ZNF786: variants seen among roughly 807,000 people sequenced by gnomAD.
The protein encoded by ZNF786 is zinc finger protein 786.
Under a neutral mutation model 63.1 loss-of-function variants are expected in ZNF786, and 56 were observed. That is an observed-to-expected ratio of 0.89 (90% CI 0.72 to 1.11). The LOEUF is 1.11. Among genes scored for constraint, ZNF786 ranks in the 50% least tolerant of loss-of-function variants. The probability of loss-of-function intolerance (pLI) is 0.00; values close to 1 mark genes in which losing one functional copy is unlikely to be tolerated. For synonymous variants in ZNF786, 485 were observed against 406.9 expected, an observed-to-expected ratio of 1.19 and a Z score of -2.31; for missense variants, 1,213 against 1,041.8, an observed-to-expected ratio of 1.16 and a Z score of -2.26.
At position 149,071,407 on chromosome 7, in the gene ZNF786, A is replaced by G. The variant is rs774030832; in HGVS notation, c.1365T>C (p.Cys455=). The change falls in exon 4 of 4, where the codon TGT becomes TGC. Residue 455 remains cysteine, a synonymous_variant. Transcript: ENST00000491431. The part of the protein sequence containing the change: ...RVHSGEKPFR[C]AKCGRNFRQR... The stretch of plus-strand genomic sequence containing the variant: ...GACGGAAGTTCCTGCCACACTTGGC[A>G]CACCGGAAAGGCTTCTCTCCGCTGT... 6.2e-7 allele frequency: 1 copy of G among 1,612,512 alleles called. No homozygotes were observed. The highest frequency in any genetic ancestry group is 1.1e-5 in the South Asian group (1 of 91,028).
chr7:149,074,694 C>T lies in ZNF786; in HGVS notation c.146-156G>A, dbSNP rs137925335. 6.9e-4 allele frequency among the ~76,000 whole-genome samples: 105 copies of T among 151,650 alleles called. 2 individuals carry two copies. The Middle Eastern group carries it at 0.01, about 15-fold the overall frequency. Reference sequence around the variant, plus strand: ...CACAAAGATGAAAAAACCGCCTACACATCCTAACAATGCCTCCTAGTCTGT... The same window carrying T: ...CACAAAGATGAAAAAACCGCCTACATATCCTAACAATGCCTCCTAGTCTGT... On this transcript the variant is annotated intron_variant, in intron 2 of 3. Transcript: ENST00000491431.
chr7:149,073,991 C>T (rs554567215), intron 3 of ZNF786, among the ~76,000 whole-genome samples: 256 of 151,292 alleles, frequency 1.7e-3, no homozygotes, highest in South Asian at 5.5e-3. Context: ...AAGGGTTTCA[C>T]CATGTTGGCC....
At position 149,077,552 on chromosome 7, in the gene ZNF786, C is replaced by T. The variant is rs543107752; in HGVS notation, c.146-3014G>A. On this transcript the variant is annotated intron_variant, in intron 2 of 3. Coordinates refer to ENST00000491431, the MANE Select transcript of ZNF786 (RefSeq NM_152411.4). Reference sequence around the variant, plus strand: ...CTGAGGCAGGAGAATGGTGTGAACCCGGGAGGCGGAGCTTGCAGTGAGCTG... The same window carrying T: ...CTGAGGCAGGAGAATGGTGTGAACCTGGGAGGCGGAGCTTGCAGTGAGCTG... Among the ~76,000 whole-genome samples, 26 of 152,026 alleles carry T rather than the reference C, an allele frequency of 1.7e-4. No individual in the cohort carries two copies. In the South Asian group the frequency reaches 3.3e-3, roughly 19 times the overall value.
rs764886472 is a variant in ZNF786 at position 149,071,897 on chromosome 7, C to A, written c.875G>T (p.Gly292Val). Residue 292 changes from glycine to valine, a missense_variant, in exon 4 of 4, where the codon GGG becomes GTG. Physicochemically the swap from Gly to Val is moderately radical, Grantham distance 109 (BLOSUM62 -3). Transcript: ENST00000491431. ...THPSHRLPQQ[G>V]EKPAQCTPCG... ...TGGGGTGCACTGGGCAGGCTTCTCC[C>A]CCTGCTGCGGGAGGCGGTGGCTGGG... 1.8e-5 allele frequency: 29 copies of A among 1,604,278 alleles called. No homozygotes were observed. The South Asian group carries it at 2.2e-4, about 12-fold the overall frequency.
At chr7:149,080,824 G>A in intron 1 of ZNF786, 107 bp from the exon 2 acceptor site, 1 of 1,382,934 alleles carries the variant, frequency 7.2e-7, no homozygotes, top group Non-Finnish European at 9.8e-7. Flanking sequence ...AATGTTTTTG[G>A]TTGTTCAGCA....
chr7:149,070,264 A>G lies in ZNF786; in HGVS notation c.*159T>C, dbSNP rs1314728621. The G allele has an allele frequency of 1.5e-5, 14 of 953,192 alleles. No individual in the cohort carries two copies. The highest frequency in any genetic ancestry group is 4.9e-5 in the African/African-American group (3 of 61,168). The allele number at this position is 953,192 out of a possible 1,614,324, so 59.0% of individuals were successfully genotyped here. A position where few individuals can be genotyped will look rare whatever the true frequency, so the allele number is the denominator to read the frequency against. On this transcript the variant is annotated 3_prime_UTR_variant, in exon 4 of 4. Coordinates refer to ENST00000491431, the MANE Select transcript of ZNF786 (RefSeq NM_152411.4). ...TAATTGGTGATGCTTCTGAAGAGAA[A>G]ATCCTTTGTGGTTCTTCATATTCCT...
chr7:149,083,519 T>C (rs1825684510), intron 1 of ZNF786, among the ~76,000 whole-genome samples: 1 of 151,660 alleles, frequency 6.6e-6, no homozygotes, highest in Admixed American at 6.6e-5. Flanking sequence ...CCGGCCAAAG[T>C]TTATTTTTAT....
chr7:149,083,361 C>T (rs112412855), intron 1 of ZNF786, among the ~76,000 whole-genome samples: 3,607 of 151,974 alleles, frequency 0.024, 56 homozygotes, highest in Admixed American at 0.035. Context: ...GGATTATAGG[C>T]GCCGGCCACC....
At chr7:149,075,080 T>G (rs951844180) in intron 2 of ZNF786, among the ~76,000 whole-genome samples, 7 of 152,048 alleles carry the variant, frequency 4.6e-5, no homozygotes, top group Admixed American at 6.6e-5. Flanking sequence ...CTGCCTGCCT[T>G]GGCCTCCCAA....
chr7:149,090,490 G>C, intron 1 of ZNF786, 133 bp downstream of exon 1: 2 of 1,059,128 alleles, frequency 1.9e-6, no homozygotes, highest in Middle Eastern at 2.2e-4. Context: ...ATCCCCAGCA[G>C]AAGCAGCCTG....
intron 2 of ZNF786, among the ~76,000 whole-genome samples, chr7:149,079,561 CTCTT>C (rs1212767743): frequency 6.9e-6 from 1 of 144,038 alleles, no homozygotes; most frequent in African/African-American, 2.7e-5. Context: ...GAGACAGCTA[CTCTT>C]TTTTTTTTTT....
chr7:149,086,985 G>A (rs1482841909), intron 1 of ZNF786, among the ~76,000 whole-genome samples: 3 of 152,198 alleles, frequency 2.0e-5, no homozygotes, highest in Non-Finnish European at 4.4e-5. Flanking sequence ...TGGGACTACA[G>A]GCGCCTGCCA....
intron 2 of ZNF786, among the ~76,000 whole-genome samples, chr7:149,077,837 G>A (rs970970030): frequency 3.3e-5 from 5 of 150,802 alleles, no homozygotes; most frequent in Admixed American, 1.3e-4. Context: ...GCCCAACAGC[G>A]AAACAAATTA....
chr7:149,085,242 A>G (rs749614103), intron 1 of ZNF786, among the ~76,000 whole-genome samples: 2 of 152,040 alleles, frequency 1.3e-5, no homozygotes, highest in Non-Finnish European at 2.9e-5. Context: ...AGCTTTGTTC[A>G]TTTTGCCTAG....
intron 2 of ZNF786, among the ~76,000 whole-genome samples, chr7:149,074,815 CTATATATA>C (rs372272906): frequency 6.7e-6 from 1 of 148,404 alleles, no homozygotes; most frequent in Non-Finnish European, 1.5e-5. Flanking sequence ...ATGGCTAATG[CTATATATA>C]TATATATATT....
rs1417061581 is a variant in ZNF786 at position 149,071,677 on chromosome 7, T to C, written c.1095A>G (p.Ala365=). The C allele has an allele frequency of 6.4e-7, 1 of 1,566,012 alleles. No individual in the cohort carries two copies. Among genetic ancestry groups the C allele is most frequent in the Non-Finnish European group, 8.6e-7 (1 of 1,162,604 alleles). Residue 365 remains alanine (A), a synonymous_variant, in exon 4 of 4, where the codon GCA becomes GCG. Transcript: ENST00000491431. ...ACTCCGAGCAGGAGCAGGGCCCCTC[T>C]GCGCCATGCTGCAGCGCCTCCGTGT... The part of the protein sequence containing the change: ...EGDTEALQHG[A]EGPCSCSECG...
chr7:149,088,553 C>T (rs528962449), intron 1 of ZNF786, among the ~76,000 whole-genome samples: 4 of 152,176 alleles, frequency 2.6e-5, no homozygotes, highest in African/African-American at 4.8e-5. Context: ...TAAAGATACT[C>T]ATTCTCTCCT....
At chr7:149,085,905 T>C (rs1184535304) in intron 1 of ZNF786, among the ~76,000 whole-genome samples, 1 of 152,218 alleles carries the variant, frequency 6.6e-6, no homozygotes, top group Non-Finnish European at 1.5e-5. Flanking sequence ...TGTATAGGAA[T>C]GCTACTGATT....
intron 1 of ZNF786, among the ~76,000 whole-genome samples, chr7:149,087,615 C>T (rs574921774): frequency 6.6e-6 from 1 of 152,288 alleles, no homozygotes; most frequent in South Asian, 2.1e-4. Flanking sequence ...GCAAAATGCA[C>T]ACATGCAACA....
Sources: gnomAD v4.1 joint callset for allele counts (sites outside exome capture counted in the v4.1 genomes callset) on GRCh38, gnomAD v4.1.1 for gene constraint, MANE v1.5 for transcripts, NCBI Gene and HGNC (gene_info 2026-07-23, HGNC 2026-07-21) for gene names.